SLC4A4: variants seen among roughly 807,000 people sequenced by gnomAD.
SLC4A4 encodes the protein solute carrier family 4 member 4.
In SLC4A4, 27 loss-of-function variants were observed where a neutral mutation model predicts 111.5. The observed-to-expected ratio is 0.24, with a 90% CI of 0.18 to 0.33. SLC4A4 has a LOEUF of 0.33. Among genes scored for constraint, SLC4A4 ranks in the 10% least tolerant of loss-of-function variants. The pLI is 1.00. For synonymous variants in SLC4A4, 443 were observed against 463.4 expected (o/e 0.96, Z 0.57); for missense variants, 909 against 1,315.5 (o/e 0.69, Z 4.78).
intron 3 of SLC4A4, among the ~76,000 whole-genome samples, chr4:71,287,326 A>G (rs930749352): frequency 6.6e-6 from 1 of 152,248 alleles, no homozygotes; most frequent in African/African-American, 2.4e-5. Context: ...AGAAAACTTG[A>G]TAAAAATAGG....
chr4:71,260,432 C>CTA (rs1319225409), intron 3 of SLC4A4, among the ~76,000 whole-genome samples: 7 of 152,184 alleles, frequency 4.6e-5, no homozygotes, highest in African/African-American at 1.7e-4. Flanking sequence ...AAAAATCGAT[C>CTA]TATATATAGG....
chr4:71,244,576 AT>A (rs1462749438), intron 2 of SLC4A4, among the ~76,000 whole-genome samples: 2 of 152,158 alleles, frequency 1.3e-5, no homozygotes, highest in East Asian at 1.9e-4. Context: ...AACCGCATAA[AT>A]TTAAGGTATT....
chr4:71,301,039 A>T, intron 3 of SLC4A4: 1 of 423,522 alleles, frequency 2.4e-6, no homozygotes, highest in Non-Finnish European at 4.8e-6. Flanking sequence ...TAGAAGGGAG[A>T]AGGTGCTTAA....
intron 3 of SLC4A4, among the ~76,000 whole-genome samples, chr4:71,297,381 CAA>C (rs1427690331): frequency 1.3e-5 from 2 of 152,078 alleles, no homozygotes; most frequent in Admixed American, 1.3e-4. Context: ...ATCTTCTCTG[CAA>C]AGTCATATTA....
intron 2 of SLC4A4, among the ~76,000 whole-genome samples, chr4:71,105,797 T>TG (rs1742899245): frequency 9.4e-6 from 1 of 106,646 alleles, no homozygotes; most frequent in Admixed American, 1.1e-4. Flanking sequence ...ACTTAAACAT[T>TG]AGACCTAAAA....
chr4:71,065,638 A>G (rs1239847788), intron 1 of SLC4A4, among the ~76,000 whole-genome samples: 1 of 152,188 alleles, frequency 6.6e-6, no homozygotes, highest in Non-Finnish European at 1.5e-5. Context: ...TTTTGAGATT[A>G]TCTTTGGCTA....
chr4:71,256,079 G>T (rs1241140854), intron 3 of SLC4A4, among the ~76,000 whole-genome samples: 1 of 152,176 alleles, frequency 6.6e-6, no homozygotes. Flanking sequence ...TTTCTTTAAT[G>T]TGGAGAATAT....
At chr4:71,344,088 A>C (rs998160790) in intron 4 of SLC4A4, among the ~76,000 whole-genome samples, 1 of 152,048 alleles carries the variant, frequency 6.6e-6, no homozygotes, top group African/African-American at 2.4e-5. Context: ...TTAGCATACC[A>C]TATATCTTGT....
intron 1 of SLC4A4, among the ~76,000 whole-genome samples, chr4:71,206,647 A>G (rs1284059958): frequency 3.3e-5 from 5 of 152,168 alleles, no homozygotes; most frequent in Non-Finnish European, 5.9e-5. Flanking sequence ...CAAATGTGTA[A>G]GAAGATAAGC....
At chr4:71,175,865 C>G (rs1745079220) in intron 2 of SLC4A4, among the ~76,000 whole-genome samples, 2 of 152,170 alleles carry the variant, frequency 1.3e-5, no homozygotes, top group African/African-American at 4.8e-5. Flanking sequence ...GATCTGAGAA[C>G]AGACAGACTG....
rs1005446912 is a variant in SLC4A4, at chr4:71,258,526, T to C, written c.253+3127T>C. Among the ~76,000 whole-genome samples, 6 of 152,212 alleles carry C rather than the reference T, an allele frequency of 3.9e-5. No individual in the cohort carries two copies. The East Asian group carries it at 1.2e-3, about 29-fold the overall frequency. On this transcript the variant is annotated intron_variant, in intron 3 of 25. Transcript: ENST00000264485. ...AGGTTGTCTTGTTCACTTTGTTATC[T>C]TTGGCGCCGCACAATGCCTGGCACA...
At chr4:71,552,644 G>T (rs964705628) in intron 20 of SLC4A4, among the ~76,000 whole-genome samples, 1 of 151,756 alleles carries the variant, frequency 6.6e-6, no homozygotes, top group Admixed American at 6.6e-5. Context: ...TATTCCATCT[G>T]CTTGTAGGGT....
At chr4:71,251,962 T>C (rs1348596668) in intron 2 of SLC4A4, among the ~76,000 whole-genome samples, 2 of 152,142 alleles carry the variant, frequency 1.3e-5, no homozygotes, top group Admixed American at 1.3e-4. Context: ...AGTTTCTCCT[T>C]TTCATATTAC....
At chr4:71,075,910 A>G (rs1422441754) in intron 1 of SLC4A4, among the ~76,000 whole-genome samples, 2 of 151,662 alleles carry the variant, frequency 1.3e-5, no homozygotes, top group African/African-American at 4.8e-5. Flanking sequence ...GCAGTGAGCC[A>G]AGATTGCCAT....
chr4:71,436,118 T>C (rs917478151), intron 7 of SLC4A4, among the ~76,000 whole-genome samples: 3 of 152,200 alleles, frequency 2.0e-5, no homozygotes, highest in Admixed American at 1.3e-4. Context: ...CGTATGTTTA[T>C]TGTGGCACTG....
chr4:71,191,945 T>C (rs544467035), intron 1 of SLC4A4, among the ~76,000 whole-genome samples: 7 of 152,292 alleles, frequency 4.6e-5, no homozygotes, highest in African/African-American at 1.2e-4. Flanking sequence ...ATAAAACTCC[T>C]AGTATGCTTT....
At chr4:71,261,612 G>A (rs1721858213) in intron 3 of SLC4A4, among the ~76,000 whole-genome samples, 1 of 152,172 alleles carries the variant, frequency 6.6e-6, no homozygotes, top group African/African-American at 2.4e-5. Flanking sequence ...GTGTCATAGT[G>A]CTTCTGCTTC....
chr4:71,179,099 A>G (rs1745197081), intron 2 of SLC4A4, among the ~76,000 whole-genome samples: 1 of 152,360 alleles, frequency 6.6e-6, no homozygotes, highest in South Asian at 2.1e-4. Flanking sequence ...ACCAATGACA[A>G]AAACCATATG....
chr4:71,455,170 G>T (rs1245232137), intron 12 of SLC4A4, among the ~76,000 whole-genome samples: 3 of 152,132 alleles, frequency 2.0e-5, no homozygotes, highest in Non-Finnish European at 4.4e-5. Flanking sequence ...CTGATTCTTA[G>T]TGAAACCAGT....
Sources: gnomAD v4.1 joint callset for allele counts (sites outside exome capture counted in the v4.1 genomes callset) on GRCh38, gnomAD v4.1.1 for gene constraint, MANE v1.5 for transcripts, NCBI Gene and HGNC (gene_info 2026-07-23, HGNC 2026-07-21) for gene names.